Variants in GRIP1 observed in about 807,000 individuals in gnomAD.
GRIP1 encodes the protein glutamate receptor interacting protein 1.
GRIP1 carries 45 observed loss-of-function variants against 129.9 expected under a neutral mutation model. The observed-to-expected ratio is 0.35, with a 90% CI of 0.27 to 0.44. The LOEUF is 0.44. Among genes scored for constraint, GRIP1 ranks in the 20% least tolerant of loss-of-function variants. GRIP1 has a pLI of 1.00. For synonymous variants in GRIP1, 530 were observed against 520.8 expected (o/e 1.02, Z -0.24); for missense variants, 1,196 against 1,396.8 (o/e 0.86, Z 2.29).
At chr12:66,425,819 T>C (rs966112725) in intron 14 of GRIP1, among the ~76,000 whole-genome samples, 6 of 151,162 alleles carry the variant, frequency 4.0e-5, no homozygotes. Context: ...CCGGGGACAG[T>C]TGTGGGGTGG....
intron 1 of GRIP1, chr12:67,065,028 T>C (rs867291661): frequency 1.5e-4 from 23 of 151,578 alleles, no homozygotes; most frequent in African/African-American, 5.6e-4. Flanking sequence ...TTGCGATAGT[T>C]TACTGAGAAT....
chr12:66,699,931 A>G (rs1850221704), intron 1 of GRIP1, among the ~76,000 whole-genome samples: 1 of 152,146 alleles, frequency 6.6e-6, no homozygotes, highest in South Asian at 2.1e-4. Flanking sequence ...AGAGGGAGGA[A>G]CTGAGCATCA....
chr12:66,595,869 C>T (rs2064030521), intron 2 of GRIP1, among the ~76,000 whole-genome samples: 1 of 152,110 alleles, frequency 6.6e-6, no homozygotes. Flanking sequence ...AAAGAATAAT[C>T]ATGAAGAGAG....
chr12:66,814,785 T>C (rs1420263811), intron 1 of GRIP1, among the ~76,000 whole-genome samples: 1 of 152,082 alleles, frequency 6.6e-6, no homozygotes, highest in African/African-American at 2.4e-5. Context: ...TTGACTCAGT[T>C]CTGCATCGCT....
chr12:66,973,229 T>A (rs977946606), intron 1 of GRIP1, among the ~76,000 whole-genome samples: 3 of 149,430 alleles, frequency 2.0e-5, no homozygotes, highest in Middle Eastern at 3.4e-3. Context: ...TTGAAAAGTA[T>A]TTTTTAAATA....
intron 1 of GRIP1, among the ~76,000 whole-genome samples, chr12:66,880,351 A>G (rs2040458068): frequency 6.6e-6 from 1 of 152,140 alleles, no homozygotes; most frequent in South Asian, 2.1e-4. Flanking sequence ...AATTAAAGTG[A>G]CAGGAAATTA....
At chr12:66,713,820 C>T (rs1389385205) in intron 1 of GRIP1, among the ~76,000 whole-genome samples, 1 of 152,036 alleles carries the variant, frequency 6.6e-6, no homozygotes, top group Non-Finnish European at 1.5e-5. Context: ...AAACTAGGTC[C>T]TTTTCACCTC....
intron 1 of GRIP1, among the ~76,000 whole-genome samples, chr12:66,639,399 G>A (rs79800034): frequency 6.6e-6 from 1 of 152,120 alleles, no homozygotes. Flanking sequence ...CCAGGAAAGA[G>A]GGAATGGCAT....
rs1485305388 is a variant in GRIP1 at position 66,579,815 on chromosome 12, C to T, written c.136+17032G>A. ...GTGAAAGTGACGGGGAGAATGGAAC[C>T]AAGTTGGAAAACACTCTGCAGGATA... is the stretch of plus-strand genomic sequence containing the variant. On this transcript the variant is annotated intron_variant, in intron 2 of 24. Transcript: ENST00000359742. Among the ~76,000 whole-genome samples, 3 of 151,274 alleles carry T rather than the reference C, an allele frequency of 2.0e-5. No homozygotes were observed. In the East Asian group the frequency reaches 5.8e-4, roughly 29 times the overall value.
chr12:66,826,619 T>C (rs1799052428), intron 1 of GRIP1, among the ~76,000 whole-genome samples: 1 of 151,948 alleles, frequency 6.6e-6, no homozygotes, highest in African/African-American at 2.4e-5. Context: ...AATTAGAGAT[T>C]CAAACATCAT....
At chr12:66,922,800 G>T (rs2041234749) in intron 1 of GRIP1, among the ~76,000 whole-genome samples, 1 of 152,168 alleles carries the variant, frequency 6.6e-6, no homozygotes, top group South Asian at 2.1e-4. Flanking sequence ...ATTATCTTGT[G>T]AATATGAGGT....
At chr12:66,797,296 C>T (rs1223090392) in intron 1 of GRIP1, among the ~76,000 whole-genome samples, 1 of 152,134 alleles carries the variant, frequency 6.6e-6, no homozygotes, top group African/African-American at 2.4e-5. Context: ...AGTTATGCTG[C>T]TAAGCGGAAC....
chr12:66,386,872 G>A (rs1565688217), intron 19 of GRIP1, among the ~76,000 whole-genome samples: 1 of 152,188 alleles, frequency 6.6e-6, no homozygotes, highest in Admixed American at 6.5e-5. Context: ...AAAGTATTCA[G>A]ATGAGGCTGT....
At chr12:66,833,579 T>A (rs1278749120) in intron 1 of GRIP1, among the ~76,000 whole-genome samples, 1 of 152,160 alleles carries the variant, frequency 6.6e-6, no homozygotes, top group African/African-American at 2.4e-5. Flanking sequence ...CCCCTCAGCA[T>A]CCTGAGTTCA....
intron 2 of GRIP1, among the ~76,000 whole-genome samples, chr12:66,547,437 G>T (rs1481599606): frequency 6.6e-6 from 1 of 152,114 alleles, no homozygotes; most frequent in African/African-American, 2.4e-5. Context: ...TAATCCTAGA[G>T]AAATGAATGC....
chr12:67,005,663 A>C (rs1336158996), intron 1 of GRIP1, among the ~76,000 whole-genome samples: 1 of 152,222 alleles, frequency 6.6e-6, no homozygotes, highest in Non-Finnish European at 1.5e-5. Flanking sequence ...CTGAGTGCCC[A>C]CTGAGTGCCA....
chr12:66,782,534 A>G (rs1392982269), intron 1 of GRIP1, among the ~76,000 whole-genome samples: 1 of 152,178 alleles, frequency 6.6e-6, no homozygotes. Flanking sequence ...TTTTAGTTTG[A>G]GTTTTTAAAT....
upstream of GRIP1, among the ~76,000 whole-genome samples, chr12:66,681,436 C>G (rs190529707): frequency 6.6e-6 from 1 of 152,042 alleles, no homozygotes; most frequent in African/African-American, 2.4e-5. Context: ...CAAAATGTAT[C>G]GATCTGTAGG....
At chr12:66,557,622 C>T (rs955215427) in intron 2 of GRIP1, among the ~76,000 whole-genome samples, 1 of 152,162 alleles carries the variant, frequency 6.6e-6, no homozygotes, top group Non-Finnish European at 1.5e-5. Context: ...AGTATATTCT[C>T]TGACCACAGT....
Sources: allele counts gnomAD v4.1 joint callset (sites outside exome capture counted in the v4.1 genomes callset), GRCh38; gene constraint gnomAD v4.1.1; transcripts MANE v1.5; gene names NCBI Gene and HGNC (gene_info 2026-07-23, HGNC 2026-07-21).